The following GALNTL6 variants were observed in gnomAD, a reference collection of about 807,000 sequenced individuals.
GALNTL6 encodes the protein polypeptide N-acetylgalactosaminyltransferase like 6.
GALNTL6 carries 46 observed loss-of-function variants against 73.7 expected under a neutral mutation model. The ratio of observed to expected loss-of-function variants is 0.62; its 90% CI spans 0.49 to 0.80. The LOEUF is 0.80. GALNTL6 is among the 30% of genes least tolerant of loss of function. The pLI, the probability that GALNTL6 is intolerant of heterozygous loss-of-function variation, is 0.00. For missense variants in GALNTL6, 604 were observed against 755.0 expected, an observed-to-expected ratio of 0.80 and a Z score of 2.34; for synonymous variants, 259 against 263.7, an observed-to-expected ratio of 0.98 and a Z score of 0.17.
intron 5 of GALNTL6, among the ~76,000 whole-genome samples, chr4:172,756,771 C>T (rs1737779769): frequency 6.6e-6 from 1 of 152,118 alleles, no homozygotes; most frequent in African/African-American, 2.4e-5. Context: ...TTGTTGTATA[C>T]CTCCTCTAGG....
At chr4:172,726,736 A>G (rs1295752038) in intron 5 of GALNTL6, among the ~76,000 whole-genome samples, 1 of 152,324 alleles carries the variant, frequency 6.6e-6, no homozygotes. Context: ...TTGAGAGCCT[A>G]TCATATATCA....
At chr4:172,749,553 T>TA (rs1737311023) in intron 5 of GALNTL6, among the ~76,000 whole-genome samples, 2 of 152,186 alleles carry the variant, frequency 1.3e-5, no homozygotes, top group South Asian at 2.1e-4. Flanking sequence ...ACACTGTTTT[T>TA]AAAATTACTA....
At chr4:172,675,837 T>A (rs1452170557) in intron 5 of GALNTL6, among the ~76,000 whole-genome samples, 2 of 152,224 alleles carry the variant, frequency 1.3e-5, no homozygotes, top group Middle Eastern at 3.2e-3. Context: ...TTTCTCCAAC[T>A]TTTTCATGTC....
chr4:172,894,998 T>C (rs1746245687), intron 8 of GALNTL6, among the ~76,000 whole-genome samples: 1 of 151,532 alleles, frequency 6.6e-6, no homozygotes, highest in Admixed American at 6.6e-5. Context: ...GACATCAGTA[T>C]AGCTACTCTA....
At chr4:172,056,510 C>A (rs895533980) in intron 2 of GALNTL6, among the ~76,000 whole-genome samples, 3 of 152,026 alleles carry the variant, frequency 2.0e-5, no homozygotes, top group African/African-American at 7.2e-5. Flanking sequence ...TTATTTGGAT[C>A]AGAGTCTATG....
chr4:172,490,111 T>G (rs1173473309), intron 5 of GALNTL6, among the ~76,000 whole-genome samples: 1 of 151,872 alleles, frequency 6.6e-6, no homozygotes, highest in African/African-American at 2.4e-5. Flanking sequence ...TGCCTCAGGG[T>G]TTTTAAATGG....
At chr4:172,297,780 TG>T (rs1361706559) in intron 3 of GALNTL6, among the ~76,000 whole-genome samples, 1 of 152,194 alleles carries the variant, frequency 6.6e-6, no homozygotes, top group Non-Finnish European at 1.5e-5. Flanking sequence ...TGAAGTCAGG[TG>T]GCATGATGCC....
chr4:172,994,588 C>T (rs1751693504), intron 10 of GALNTL6, among the ~76,000 whole-genome samples: 1 of 152,098 alleles, frequency 6.6e-6, no homozygotes, highest in Admixed American at 6.5e-5. Context: ...CCTTTGTTCC[C>T]CTTAAAGAGC....
At chr4:172,970,996 A>C (rs1477350049) in intron 10 of GALNTL6, among the ~76,000 whole-genome samples, 2 of 152,204 alleles carry the variant, frequency 1.3e-5, no homozygotes, top group African/African-American at 4.8e-5. Context: ...GGAGCTGATA[A>C]ATGTCCGTGA....
At chr4:172,087,086 G>C (rs1201945699) in intron 2 of GALNTL6, among the ~76,000 whole-genome samples, 2 of 152,058 alleles carry the variant, frequency 1.3e-5, no homozygotes, top group African/African-American at 4.8e-5. Flanking sequence ...AGTTGTAATG[G>C]TAAAGGCCTA....
intron 2 of GALNTL6, among the ~76,000 whole-genome samples, chr4:172,027,351 T>G (rs1425637197): frequency 6.6e-6 from 1 of 152,152 alleles, no homozygotes; most frequent in East Asian, 1.9e-4. Flanking sequence ...CTCACAGTAT[T>G]TCAAATGTTG....
rs532745621 is a variant in GALNTL6 at position 173,018,513 on chromosome 4, C to T, written c.1489-2963C>T. Among the ~76,000 whole-genome samples, 109 of 152,288 alleles carry T rather than the reference C, an allele frequency of 7.2e-4. 1 individual carries two copies. The highest frequency in any genetic ancestry group is 4.7e-3 in the Admixed American group (72 of 15,294). On this transcript the variant is annotated intron_variant, in intron 11 of 12. Transcript: ENST00000506823. ...TGCTCCAAGCCCTGCAACTAAGGAT[C>T]TCACTGTCTAGGGAGGGATAGAGAA... is the stretch of plus-strand genomic sequence containing the variant.
intron 2 of GALNTL6, among the ~76,000 whole-genome samples, chr4:172,079,287 A>G (rs1731804406): frequency 6.6e-6 from 1 of 152,110 alleles, no homozygotes; most frequent in Non-Finnish European, 1.5e-5. Context: ...TAGATAATGT[A>G]GATTTGGATA....
chr4:171,878,602 A>G (rs985504422), intron 2 of GALNTL6, among the ~76,000 whole-genome samples: 1 of 152,136 alleles, frequency 6.6e-6, no homozygotes, highest in African/African-American at 2.4e-5. Flanking sequence ...ATATCGCAAG[A>G]CATCTTTAAA....
At position 172,249,622 on chromosome 4, in the gene GALNTL6, G is replaced by A. The variant is rs145713810; in HGVS notation, c.247+19858G>A. ...CAGGCTCAGGGCCCCCCTGCTCTGT[G>A]CAGTCTCAGGATATGGTGCCCTATG... is the stretch of plus-strand genomic sequence containing the variant. On this transcript the variant is annotated intron_variant, in intron 3 of 12. Transcript: ENST00000506823. 6.6e-4 allele frequency among the ~76,000 whole-genome samples: 101 copies of A among 152,262 alleles called. 1 individual carries two copies. In the East Asian group the frequency reaches 0.012, roughly 18 times the overall value.
At chr4:172,695,206 C>G (rs1025282480) in intron 5 of GALNTL6, among the ~76,000 whole-genome samples, 4 of 152,030 alleles carry the variant, frequency 2.6e-5, no homozygotes, top group Non-Finnish European at 4.4e-5. Flanking sequence ...TTAAAAAAAT[C>G]AGAACACTGA....
rs1192465074 is a variant in GALNTL6 at position 172,356,992 on chromosome 4, T to C, written c.553+8303T>C. ...ATAATTGAATCTAATTTATTACCCA[T>C]TTTTCCTTAGGATCACAACAATAAC... On this transcript the variant is annotated intron_variant, in intron 5 of 12. Coordinates refer to ENST00000506823, the MANE Select transcript of GALNTL6 (RefSeq NM_001034845.3). Among the ~76,000 whole-genome samples, 3 of 152,298 alleles carry C rather than the reference T, an allele frequency of 2.0e-5. No homozygotes were observed. In the East Asian group the frequency reaches 5.8e-4, roughly 29 times the overall value.
chr4:171,910,322 G>T (rs1737436646), intron 2 of GALNTL6, among the ~76,000 whole-genome samples: 2 of 151,810 alleles, frequency 1.3e-5, no homozygotes. Flanking sequence ...GTACCACAGG[G>T]GAGAAACATG....
At chr4:172,003,444 G>A (rs2110763735) in intron 2 of GALNTL6, among the ~76,000 whole-genome samples, 1 of 152,194 alleles carries the variant, frequency 6.6e-6, no homozygotes, top group Non-Finnish European at 1.5e-5. Flanking sequence ...TTTTGTCCAT[G>A]TTGAGTTCAC....
Sources: allele counts gnomAD v4.1 joint callset (sites outside exome capture counted in the v4.1 genomes callset), GRCh38; gene constraint gnomAD v4.1.1; transcripts MANE v1.5; gene names NCBI Gene and HGNC (gene_info 2026-07-23, HGNC 2026-07-21).